PXDNL: variants seen among roughly 807,000 people sequenced by gnomAD.
PXDNL encodes peroxidasin like.
PXDNL carries 145 observed loss-of-function variants against 150.8 expected under a neutral mutation model. That is an observed-to-expected ratio of 0.96 (90% CI 0.84 to 1.10). The LOEUF is 1.10. Among genes scored for constraint, PXDNL ranks in the 50% least tolerant of loss-of-function variants. The pLI, the probability that PXDNL is intolerant of heterozygous loss-of-function variation, is 0.00. For missense variants in PXDNL, 2,087 were observed against 1,873.9 expected, an observed-to-expected ratio of 1.11 and a Z score of -2.10; for synonymous variants, 757 against 725.7, an observed-to-expected ratio of 1.04 and a Z score of -0.69.
At chr8:51,388,601 C>T (rs1232859905) in intron 17 of PXDNL, among the ~76,000 whole-genome samples, 1 of 152,136 alleles carries the variant, frequency 6.6e-6, no homozygotes, top group African/African-American at 2.4e-5. Context: ...TGTGAGGACT[C>T]AAGTCTTTCT....
intron 2 of PXDNL, among the ~76,000 whole-genome samples, chr8:51,622,590 T>A (rs959334304): frequency 6.6e-6 from 1 of 152,100 alleles, no homozygotes; most frequent in Admixed American, 6.6e-5. Flanking sequence ...AGAAACCTAA[T>A]AAAAAGTGAC....
At chr8:51,391,655 C>T in intron 17 of PXDNL, among the ~76,000 whole-genome samples, 1 of 152,098 alleles carries the variant, frequency 6.6e-6, no homozygotes, top group Non-Finnish European at 1.5e-5. Context: ...GTCAGATGAG[C>T]AGGTTGCGAA....
intron 4 of PXDNL, among the ~76,000 whole-genome samples, chr8:51,529,936 C>G (rs1464380987): frequency 6.6e-6 from 1 of 152,004 alleles, no homozygotes; most frequent in African/African-American, 2.4e-5. Context: ...CTATAGCAAT[C>G]CCCCTTCCCC....
intron 6 of PXDNL, among the ~76,000 whole-genome samples, chr8:51,480,094 G>A (rs114640268): frequency 1.6e-3 from 242 of 152,146 alleles, no homozygotes; most frequent in African/African-American, 5.6e-3. Flanking sequence ...CACAAATAGG[G>A]GCCTGGATTT....
At chr8:51,446,911 G>T (rs1217112322) in intron 12 of PXDNL, 93 bp downstream of exon 12, 1 of 959,044 alleles carries the variant, frequency 1.0e-6, no homozygotes, top group Non-Finnish European at 1.6e-6. Flanking sequence ...TATATATATA[G>T]TCATATATGT....
At chr8:51,360,726 A>T (rs1209761822) in intron 19 of PXDNL, among the ~76,000 whole-genome samples, 2 of 152,226 alleles carry the variant, frequency 1.3e-5, no homozygotes, top group Non-Finnish European at 2.9e-5. Flanking sequence ...TCTTGTGTCA[A>T]TCGCTAAGTT....
At chr8:51,426,828 A>T in intron 12 of PXDNL, 70 bp from the exon 13 acceptor site, 1 of 886,132 alleles carries the variant, frequency 1.1e-6, no homozygotes. Context: ...CAGCTGAGTC[A>T]AAGGTATGAA....
At chr8:51,497,692 A>G (rs565515486) in intron 5 of PXDNL, among the ~76,000 whole-genome samples, 2 of 152,358 alleles carry the variant, frequency 1.3e-5, no homozygotes, top group East Asian at 1.9e-4. Flanking sequence ...GCTCATCATC[A>G]TTGGCCATCA....
intron 12 of PXDNL, among the ~76,000 whole-genome samples, chr8:51,444,802 A>T (rs972906356): frequency 1.3e-5 from 2 of 152,148 alleles, no homozygotes; most frequent in African/African-American, 2.4e-5. Context: ...TAGTTTATAG[A>T]TCTCATAACG....
chr8:51,327,407 C>T (rs11993179), intron 21 of PXDNL, among the ~76,000 whole-genome samples: 7 of 152,000 alleles, frequency 4.6e-5, no homozygotes, highest in African/African-American at 9.7e-5. Context: ...GGGAGCTGTA[C>T]GGAAACAGTT....
intron 2 of PXDNL, among the ~76,000 whole-genome samples, chr8:51,619,579 C>T (rs1175872082): frequency 6.6e-6 from 1 of 152,136 alleles, no homozygotes; most frequent in Non-Finnish European, 1.5e-5. Context: ...AGTGAGAGCT[C>T]ATGAGATCCA....
intron 2 of PXDNL, among the ~76,000 whole-genome samples, chr8:51,648,567 C>T (rs1036284888): frequency 3.3e-5 from 5 of 152,160 alleles, no homozygotes; most frequent in Non-Finnish European, 7.3e-5. Context: ...CTTCTGGTCT[C>T]TAGAATTGTG....
intron 1 of PXDNL, among the ~76,000 whole-genome samples, chr8:51,796,724 C>T (rs1337010152): frequency 1.3e-5 from 2 of 152,158 alleles, no homozygotes; most frequent in African/African-American, 4.8e-5. Flanking sequence ...GATGGATTTA[C>T]AGCTGAATTC....
chr8:51,721,645 TAAAA>T (rs200254443), intron 1 of PXDNL: 1 of 327,496 alleles, frequency 3.1e-6, no homozygotes, highest in Non-Finnish European at 5.9e-6. Flanking sequence ...ATAATAAAAT[TAAAA>T]AAAAAAAGAA....
intron 1 of PXDNL, among the ~76,000 whole-genome samples, chr8:51,705,003 C>A (rs544200894): frequency 6.6e-6 from 1 of 152,274 alleles, no homozygotes; most frequent in East Asian, 1.9e-4. Context: ...TGAATTCATG[C>A]CCCAACACTG....
chr8:51,729,767 A>T (rs1206669544), intron 1 of PXDNL, among the ~76,000 whole-genome samples: 2 of 152,162 alleles, frequency 1.3e-5, no homozygotes, highest in African/African-American at 4.8e-5. Flanking sequence ...AGGTGAATGG[A>T]TAAACTGTAG....
chr8:51,712,142 G>A (rs1816515527), intron 1 of PXDNL, among the ~76,000 whole-genome samples: 1 of 152,224 alleles, frequency 6.6e-6, no homozygotes, highest in Non-Finnish European at 1.5e-5. Context: ...GCATGTCATT[G>A]TCTGGGTGTG....
chr8:51,602,909 AC>A (rs1430832631), intron 2 of PXDNL, among the ~76,000 whole-genome samples: 4 of 151,636 alleles, frequency 2.6e-5, no homozygotes, highest in Admixed American at 2.0e-4. Context: ...TTTGTATCAT[AC>A]TTAGGCTTTC....
intron 20 of PXDNL, among the ~76,000 whole-genome samples, chr8:51,345,147 C>A (rs1806107562): frequency 6.6e-6 from 1 of 152,186 alleles, no homozygotes; most frequent in South Asian, 2.1e-4. Context: ...CTGTGAATTG[C>A]AATGTTTATT....
Sources: gnomAD v4.1 joint callset for allele counts (sites outside exome capture counted in the v4.1 genomes callset) on GRCh38, gnomAD v4.1.1 for gene constraint, MANE v1.5 for transcripts, NCBI Gene and HGNC (gene_info 2026-07-23, HGNC 2026-07-21) for gene names.